ADAR: variants seen among roughly 807,000 people sequenced by gnomAD.
ADAR encodes the protein adenosine deaminase RNA specific.
ADAR carries 41 observed loss-of-function variants against 113.2 expected under a neutral mutation model. The observed-to-expected ratio is 0.36, with a 90% CI of 0.28 to 0.47. ADAR has a LOEUF of 0.47. ADAR is among the 20% of genes least tolerant of loss of function. ADAR has a pLI of 1.00. For missense variants in ADAR, 1,242 were observed against 1,540.9 expected (o/e 0.81, Z 3.25); for synonymous variants, 605 against 572.6 (o/e 1.06, Z -0.81).
At chr1:154,608,329 C>CTT (rs560819918), upstream of ADAR, 2,605 of 285,622 alleles carry the variant, frequency 9.1e-3, 25 homozygotes, top group African/African-American at 0.031. Flanking sequence ...ACGGAAGGTA[C>CTT]TTTTTTTTTT....
intron 12 of ADAR, 95 bp downstream of exon 12, chr1:154,586,086 T>C: frequency 6.7e-7 from 1 of 1,487,144 alleles, no homozygotes; most frequent in South Asian, 1.1e-5. Context: ...CTCACTTTGA[T>C]AAGGGAGACA....
upstream of ADAR, among the ~76,000 whole-genome samples, chr1:154,610,391 C>T (rs77633339): frequency 1.9e-3 from 292 of 152,302 alleles, 11 homozygotes; most frequent in East Asian, 0.051. Flanking sequence ...AAGATCTACG[C>T]ATGCAACAAG....
At chr1:154,625,692 C>G (rs1698912684) in intron 1 of ADAR, among the ~76,000 whole-genome samples, 2 of 148,886 alleles carry the variant, frequency 1.3e-5, no homozygotes. Flanking sequence ...AACCCCATCT[C>G]TACTAAAAAT....
At chr1:154,585,478 G>T in intron 13 of ADAR, 134 bp from the exon 14 acceptor site, 1 of 1,348,330 alleles carries the variant, frequency 7.4e-7, no homozygotes, top group Non-Finnish European at 1.0e-6. Context: ...GTTCTGTTTG[G>T]CTAAGACTGA....
At chr1:154,603,094 G>C (rs571242465) in intron 1 of ADAR, among the ~76,000 whole-genome samples, 1 of 152,290 alleles carries the variant, frequency 6.6e-6, no homozygotes, top group East Asian at 1.9e-4. Flanking sequence ...CTAGGGAAGG[G>C]ACGAGATGAC....
In ADAR at chr1:154,597,200, C is replaced by T; in HGVS notation, c.2002G>A (p.Ala668Thr). ...PSVSAPSKKVAKQMAAEEAMK... is the reference protein window; with the variant it reads ...PSVSAPSKKVTKQMAAEEAMK... ...GCTTCCTCTGCGGCCATCTGCTTTGCCACTTTCTTGCTGGGAGCACTCACA... is the reference window on the plus strand; with the variant it reads ...GCTTCCTCTGCGGCCATCTGCTTTGTCACTTTCTTGCTGGGAGCACTCACA... Residue 668 changes from alanine (A) to threonine (T), a missense_variant, in exon 5 of 15, where the codon GCA becomes ACA. This residue lies in a region of ADAR where 780 missense variants were observed against 1,057.9 expected (regional missense o/e 0.74). Transcript: ENST00000368474. 2 of 1,614,208 alleles carry T rather than the reference C, an allele frequency of 1.2e-6. No homozygotes were observed. Among genetic ancestry groups the T allele is most frequent in the Non-Finnish European group, 1.7e-6 (2 of 1,180,024 alleles).
intron 8 of ADAR, 80 bp from the exon 9 acceptor site, chr1:154,589,542 G>T: frequency 1.5e-6 from 2 of 1,376,364 alleles, no homozygotes; most frequent in Non-Finnish European, 2.1e-6. Flanking sequence ...TGTTCTGAAA[G>T]CTTCAAGGCA....
intron 6 of ADAR, among the ~76,000 whole-genome samples, chr1:154,595,176 G>T (rs967428620): frequency 6.6e-6 from 1 of 152,244 alleles, no homozygotes; most frequent in Non-Finnish European, 1.5e-5. Context: ...TCTTGTAGGA[G>T]TGTGAACTCG....
At position 154,601,613 on chromosome 1, in the gene ADAR, G is replaced by A; in HGVS notation, c.1029C>T (p.Val343=). 1 of 1,613,134 alleles carries A rather than the reference G, an allele frequency of 6.2e-7. No homozygotes were observed. Among genetic ancestry groups the A allele is most frequent in the South Asian group, 1.1e-5 (1 of 91,088 alleles). Residue 343 remains valine, a synonymous_variant, in exon 2 of 15, where the codon GTC becomes GTT. Transcript: ENST00000368474. This position sits in a 1 kb window ranked among gnomAD's most constrained non-coding sequence, Gnocchi z 4.7. ...VLIDMERQGD[V]YRQGTTPPIW... is the part of the protein sequence containing the mutation. The stretch of plus-strand genomic sequence containing the variant: ...TGGGAGGGGTTGTCCCTTGTCTATA[G>A]ACATCCCCCTGCCTTTCCATGTCAA...
intron 1 of ADAR, among the ~76,000 whole-genome samples, chr1:154,617,858 T>C (rs1698677782): frequency 6.6e-6 from 1 of 151,840 alleles, no homozygotes; most frequent in East Asian, 1.9e-4. Flanking sequence ...TATTCTACAT[T>C]ATGAAACAAA....
At chr1:154,586,140 G>A (rs1186352246) in intron 12 of ADAR, 41 bp downstream of exon 12, 3 of 1,611,030 alleles carry the variant, frequency 1.9e-6, no homozygotes, top group South Asian at 2.2e-5. Flanking sequence ...CTGGGCACAA[G>A]AAGGACAGAC....
At chr1:154,602,671 G>T in intron 1 of ADAR, 45 bp from the exon 2 acceptor site, 1 of 1,606,244 alleles carries the variant, frequency 6.2e-7, no homozygotes. Context: ...TAGGGCTGCA[G>T]TGGTGAACCT....
intron 2 of ADAR, among the ~76,000 whole-genome samples, chr1:154,598,974 G>A (rs1237822462): frequency 6.6e-6 from 1 of 152,196 alleles, no homozygotes; most frequent in African/African-American, 2.4e-5. Context: ...GTGGTAGACT[G>A]GCCTCCTCAA....
chr1:154,604,436 G>A (rs893261303), intron 1 of ADAR, among the ~76,000 whole-genome samples: 2 of 152,158 alleles, frequency 1.3e-5, no homozygotes, highest in African/African-American at 4.8e-5. Flanking sequence ...AAGGCCCACT[G>A]TCCCCCTTTT....
intron 1 of ADAR, among the ~76,000 whole-genome samples, chr1:154,613,427 G>A (rs1698546525): frequency 6.6e-6 from 1 of 151,696 alleles, no homozygotes; most frequent in Non-Finnish European, 1.5e-5. Flanking sequence ...TGGGACTACA[G>A]GCACGCGCTA....
intron 2 of ADAR, chr1:154,600,639 A>G (rs535215037): frequency 1.8e-5 from 5 of 273,808 alleles, no homozygotes; most frequent in South Asian, 1.1e-4. Flanking sequence ...ACGCCCAGCT[A>G]ATTTTTGTAT....
At position 154,601,595 on chromosome 1, in the gene ADAR, G is replaced by C. The variant is rs754440871; in HGVS notation, c.1047C>G (p.Thr349=). Residue 349 remains threonine (T), a synonymous_variant, in exon 2 of 15, where the codon ACC becomes ACG. Coordinates refer to ENST00000368474, the MANE Select transcript of ADAR (RefSeq NM_001111.5). This position sits in a 1 kb window ranked among gnomAD's most constrained non-coding sequence, Gnocchi z 4.7. Reference sequence around the variant, plus strand: ...TGTCTGTCAAATGCCATATGGGAGGGGTTGTCCCTTGTCTATAGACATCCC... The same window carrying C: ...TGTCTGTCAAATGCCATATGGGAGGCGTTGTCCCTTGTCTATAGACATCCC... ...RQGDVYRQGT[T]PPIWHLTDKK... The C allele has an allele frequency of 6.2e-7, 1 of 1,612,400 alleles. No homozygotes were observed. The highest frequency in any genetic ancestry group is 1.3e-5 in the African/African-American group (1 of 74,894).
intron 1 of ADAR, chr1:154,606,010 AT>A (rs1322784908): frequency 1.1e-5 from 10 of 937,706 alleles, no homozygotes; most frequent in South Asian, 4.9e-5. Flanking sequence ...TCACACGGTT[AT>A]TTTTTTTCTT....
intron 1 of ADAR, among the ~76,000 whole-genome samples, chr1:154,627,463 C>A (rs1273332477): frequency 6.6e-6 from 1 of 152,232 alleles, no homozygotes; most frequent in East Asian, 1.9e-4. Flanking sequence ...AGCTCACTCT[C>A]CAGTCACTCT....
Sources: allele counts gnomAD v4.1 joint callset (sites outside exome capture counted in the v4.1 genomes callset), GRCh38; gene constraint gnomAD v4.1.1; regional missense constraint gnomAD v4.1.1; non-coding constraint Gnocchi (gnomAD v3.1); transcripts MANE v1.5; gene names NCBI Gene and HGNC (gene_info 2026-07-23, HGNC 2026-07-21).